SDC2: variants seen among roughly 807,000 people sequenced by gnomAD.
SDC2 encodes syndecan-2.
Under a neutral mutation model 22.2 loss-of-function variants are expected in SDC2, and 13 were observed. The observed-to-expected ratio is 0.59, with a 90% confidence interval of 0.38 to 0.93. The LOEUF (loss-of-function observed/expected upper bound fraction) is 0.93, where lower values mean the gene tolerates loss of function less well. Ranked by LOEUF, SDC2 falls within the 40% of genes least tolerant of loss-of-function variation. The probability of loss-of-function intolerance (pLI) is 0.00; values close to 1 mark genes in which losing one functional copy is unlikely to be tolerated. For missense variants in SDC2, 235 were observed against 246.8 expected (o/e 0.95, Z 0.32); for synonymous variants, 94 against 92.8 (o/e 1.01, Z -0.07).
intron 1 of SDC2, among the ~76,000 whole-genome samples, chr8:96,535,479 C>A (rs1813740055): frequency 6.6e-6 from 1 of 152,218 alleles, no homozygotes; most frequent in Non-Finnish European, 1.5e-5. Context: ...ACCCACACGG[C>A]AGCATGTTTT....
intron 1 of SDC2, among the ~76,000 whole-genome samples, chr8:96,583,713 GTGTGTA>G (rs1235108222): frequency 1.0e-3 from 132 of 131,738 alleles, no homozygotes; most frequent in Middle Eastern, 3.8e-3. Flanking sequence ...GTGTGTGTGT[GTGTGTA>G]TATATATATA....
chr8:96,523,979 A>T (rs1396868491), intron 1 of SDC2, among the ~76,000 whole-genome samples: 1 of 152,212 alleles, frequency 6.6e-6, no homozygotes, highest in African/African-American at 2.4e-5. Flanking sequence ...CTTCTTTCAA[A>T]AAAGAAGTCC....
intron 1 of SDC2, among the ~76,000 whole-genome samples, chr8:96,573,993 T>C (rs1437627985): frequency 1.3e-5 from 2 of 151,902 alleles, no homozygotes; most frequent in African/African-American, 4.8e-5. Flanking sequence ...GCATTCCGTG[T>C]GCCTCATTTG....
At chr8:96,561,790 G>A (rs533741494) in intron 1 of SDC2, among the ~76,000 whole-genome samples, 1 of 152,324 alleles carries the variant, frequency 6.6e-6, no homozygotes, top group South Asian at 2.1e-4. Context: ...GGAAAGGGGA[G>A]AAAAGAAATG....
chr8:96,600,750 C>T (rs1188539468), intron 2 of SDC2, among the ~76,000 whole-genome samples: 1 of 152,134 alleles, frequency 6.6e-6, no homozygotes, highest in East Asian at 1.9e-4. Flanking sequence ...ACTGCAAGGT[C>T]ACAGGAGGAG....
intron 1 of SDC2, among the ~76,000 whole-genome samples, chr8:96,568,007 G>A (rs1045808750): frequency 5.6e-4 from 86 of 152,338 alleles, no homozygotes; most frequent in African/African-American, 1.9e-3. Context: ...TTTCTCCCAT[G>A]CTTTTGTATA....
At chr8:96,577,673 A>G (rs1393077843) in intron 1 of SDC2, among the ~76,000 whole-genome samples, 5 of 152,186 alleles carry the variant, frequency 3.3e-5, no homozygotes, top group African/African-American at 4.8e-5. Flanking sequence ...TCGTGTATCT[A>G]CTATTATATT....
At chr8:96,498,727 C>G (rs995011996) in intron 1 of SDC2, among the ~76,000 whole-genome samples, 2 of 152,158 alleles carry the variant, frequency 1.3e-5, no homozygotes, top group Non-Finnish European at 2.9e-5. Context: ...CTGACCTCAG[C>G]TGATCCACCG....
intron 1 of SDC2, among the ~76,000 whole-genome samples, chr8:96,537,895 A>G (rs1486851519): frequency 2.6e-5 from 4 of 152,232 alleles, no homozygotes; most frequent in Admixed American, 6.5e-5. Flanking sequence ...GGGCATGGTC[A>G]TAACACAAAC....
In SDC2 at chr8:96,608,328, A is replaced by C. The variant is rs748797636; in HGVS notation, c.307-7A>C. The C allele has an allele frequency of 6.2e-6, 10 of 1,611,408 alleles. No homozygotes were observed. The African/African-American group carries it at 1.3e-4, about 22-fold the overall frequency. Reference sequence around the variant, plus strand: ...TCAATGTAATCTTTCCCTGTTTCCCATACCAGTCACCTGAAGAAACTGATA... The same window carrying C: ...TCAATGTAATCTTTCCCTGTTTCCCCTACCAGTCACCTGAAGAAACTGATA... On this transcript the variant is annotated splice_polypyrimidine_tract_variant and splice_region_variant and intron_variant, in intron 3 of 4. Coordinates refer to ENST00000302190, the MANE Select transcript of SDC2 (RefSeq NM_002998.4).
chr8:96,594,770 G>A (rs576132252), intron 2 of SDC2, among the ~76,000 whole-genome samples: 2 of 152,308 alleles, frequency 1.3e-5, no homozygotes, highest in East Asian at 3.9e-4. Context: ...TGCCTGGGGA[G>A]GTCTCAGGAA....
intron 1 of SDC2, among the ~76,000 whole-genome samples, chr8:96,501,880 A>G (rs1586266693): frequency 6.6e-6 from 1 of 152,074 alleles, no homozygotes; most frequent in South Asian, 2.1e-4. Context: ...CCTGTCAAAT[A>G]CTTCTAATTT....
intron 1 of SDC2, among the ~76,000 whole-genome samples, chr8:96,542,924 C>T (rs1034194682): frequency 1.3e-5 from 2 of 152,092 alleles, no homozygotes; most frequent in Non-Finnish European, 2.9e-5. Context: ...TATTGCTATC[C>T]TTGTTACAAG....
intron 2 of SDC2, among the ~76,000 whole-genome samples, chr8:96,602,031 T>C (rs192195356): frequency 4.0e-4 from 61 of 152,272 alleles, no homozygotes; most frequent in Admixed American, 1.8e-3. Context: ...GTGCTGAAAT[T>C]ACAGGCGTGA....
At chr8:96,529,842 C>T (rs758989313) in intron 1 of SDC2, among the ~76,000 whole-genome samples, 3 of 151,900 alleles carry the variant, frequency 2.0e-5, no homozygotes, top group Non-Finnish European at 4.4e-5. Flanking sequence ...TTAGAAGTTC[C>T]GGTGCCCACT....
chr8:96,500,553 T>C (rs1459353292), intron 1 of SDC2, among the ~76,000 whole-genome samples: 1 of 150,584 alleles, frequency 6.6e-6, no homozygotes, highest in Non-Finnish European at 1.5e-5. Context: ...TCCCAGCTAC[T>C]TGGGAGGCTG....
intron 1 of SDC2, among the ~76,000 whole-genome samples, chr8:96,568,025 A>G (rs1814329844): frequency 1.3e-5 from 2 of 152,250 alleles, no homozygotes; most frequent in Non-Finnish European, 2.9e-5. Context: ...ATAGAGGCAT[A>G]ATTACTGGCT....
intron 1 of SDC2, among the ~76,000 whole-genome samples, chr8:96,512,587 C>T (rs1813344787): frequency 6.6e-6 from 1 of 151,824 alleles, no homozygotes; most frequent in African/African-American, 2.4e-5. Flanking sequence ...TAGACCCAGA[C>T]AAGAAAGGAA....
intron 1 of SDC2, among the ~76,000 whole-genome samples, chr8:96,558,821 G>A (rs1028333009): frequency 1.5e-4 from 22 of 151,528 alleles, no homozygotes; most frequent in African/African-American, 4.8e-4. Flanking sequence ...ATTTGAATAT[G>A]TGTGTGTGTG....
Sources: gnomAD v4.1 joint callset for allele counts (sites outside exome capture counted in the v4.1 genomes callset) on GRCh38, gnomAD v4.1.1 for gene constraint, MANE v1.5 for transcripts, NCBI Gene and HGNC (gene_info 2026-07-23, HGNC 2026-07-21) for gene names.